Variants in BRIP1 observed in about 807,000 individuals in gnomAD.
The protein encoded by BRIP1 is Fanconi anemia group J protein.
Under a neutral mutation model 119.7 loss-of-function variants are expected in BRIP1, and 88 were observed. The ratio of observed to expected loss-of-function variants is 0.74; its 90% confidence interval spans 0.62 to 0.88. The LOEUF (loss-of-function observed/expected upper bound fraction) is 0.88. Among genes scored for constraint, BRIP1 ranks in the 40% least tolerant of loss-of-function variants. The pLI is 0.00. For missense variants in BRIP1, 1,259 were observed against 1,455.4 expected (o/e 0.87, Z 2.20); for synonymous variants, 443 against 496.5 (o/e 0.89, Z 1.43).
At chr17:61,741,448 C>T (rs1308091900) in intron 16 of BRIP1, among the ~76,000 whole-genome samples, 1 of 152,138 alleles carries the variant, frequency 6.6e-6, no homozygotes, top group Non-Finnish European at 1.5e-5. Context: ...GGTTTTTAAT[C>T]GACTGTGTCC....
At position 61,843,237 on chromosome 17, in the gene BRIP1, C is replaced by A. The variant is rs2078682728; in HGVS notation, c.627+3864G>T. Among the ~76,000 whole-genome samples the A allele has an allele frequency of 6.6e-6, 1 of 152,070 alleles. No individual in the cohort carries two copies. The highest frequency in any genetic ancestry group is 6.5e-5 in the Admixed American group (1 of 15,270). On this transcript the variant is annotated intron_variant, in intron 6 of 19. Transcript: ENST00000259008. This position sits in a 1 kb window ranked among gnomAD's most constrained non-coding sequence, Gnocchi z 5.7. ...GTGGGGGATTTGAGGAGATGTTGAT[C>A]AAAGAGTAAAAAGTTGAATCTACAT...
In BRIP1 at chr17:61,844,106, C is replaced by A. The variant is rs1242294481; in HGVS notation, c.627+2995G>T. 6.6e-6 allele frequency among the ~76,000 whole-genome samples: 1 copy of A among 151,568 alleles called. No individual in the cohort carries two copies. Among genetic ancestry groups the A allele is most frequent in the Non-Finnish European group, 1.5e-5 (1 of 67,858 alleles). On this transcript the variant is annotated intron_variant, in intron 6 of 19. Transcript: ENST00000259008. This position sits in a 1 kb window ranked among gnomAD's most constrained non-coding sequence, Gnocchi z 4.7. ...ACACAGCTATTTTTTTTCTTCTATTCTTTATAAAGACAGGGTCTCGTTATG... is the reference window on the plus strand; with the variant it reads ...ACACAGCTATTTTTTTTCTTCTATTATTTATAAAGACAGGGTCTCGTTATG...
At chr17:61,812,733 G>C (rs2078181430) in intron 6 of BRIP1, among the ~76,000 whole-genome samples, 1 of 151,896 alleles carries the variant, frequency 6.6e-6, no homozygotes, top group Non-Finnish European at 1.5e-5. Flanking sequence ...AGCAACCAAG[G>C]ATTTTCAGAA....
chr17:61,846,289 A>G lies in BRIP1; in HGVS notation c.627+812T>C, dbSNP rs2078731178. 6.6e-6 allele frequency among the ~76,000 whole-genome samples: 1 copy of G among 152,088 alleles called. No individual in the cohort carries two copies. The highest frequency in any genetic ancestry group is 2.4e-5 in the African/African-American group (1 of 41,430). On this transcript the variant is annotated intron_variant, in intron 6 of 19. Transcript: ENST00000259008. The surrounding 1 kb of genome is among the most constrained non-coding windows in gnomAD (Gnocchi z 4.3). ...GAGAGAGAGAGAGAGGTTGGAGCCA[A>G]TACCTTGATTTCTGCTAAGGCACCA...
rs115498234 is a variant in BRIP1, at chr17:61,749,200, A to G, written c.2098-4609T>C. Among the ~76,000 whole-genome samples, 808 of 152,148 alleles carry G rather than the reference A, an allele frequency of 5.3e-3. 7 individuals are homozygous for G. Among genetic ancestry groups the G allele is most frequent in the African/African-American group, 0.018 (732 of 41,506 alleles). On this transcript the variant is annotated intron_variant, in intron 14 of 19. Coordinates refer to ENST00000259008, the MANE Select transcript of BRIP1 (RefSeq NM_032043.3). The stretch of plus-strand genomic sequence containing the variant: ...AAACACAGGAGAAAATTTTTGTAAC[A>G]TTGGATTTAACAATGATTTTATGCA...
At position 61,691,452 on chromosome 17, in the gene BRIP1, C is replaced by T. The variant is rs2061445659; in HGVS notation, c.2575+1978G>A. Among the ~76,000 whole-genome samples the T allele has an allele frequency of 6.6e-6, 1 of 152,062 alleles. No homozygotes were observed. The highest frequency in any genetic ancestry group is 1.5e-5 in the Non-Finnish European group (1 of 67,996). On this transcript the variant is annotated intron_variant, in intron 18 of 19. Transcript: ENST00000259008. The surrounding 1 kb of genome is among the most constrained non-coding windows in gnomAD (Gnocchi z 5.0). ...ACCTAATATTGTCAGAATGTCCATA[C>T]TACTGAAAGCAATCTTTTTTTGAGA...
rs1054557464 is a variant in BRIP1, at chr17:61,856,150, A to G, written c.379+908T>C. On this transcript the variant is annotated intron_variant, in intron 4 of 19. Coordinates refer to ENST00000259008, the MANE Select transcript of BRIP1 (RefSeq NM_032043.3). The surrounding 1 kb of genome is among the most constrained non-coding windows in gnomAD (Gnocchi z 5.1). The stretch of plus-strand genomic sequence containing the variant: ...GGCCAAAATCAAAACAATGTAGACA[A>G]CACTATTGGTCACCTATTTAATAAC... Among the ~76,000 whole-genome samples the G allele has an allele frequency of 2.0e-5, 3 of 152,214 alleles. No homozygotes were observed. The highest frequency in any genetic ancestry group is 4.4e-5 in the Non-Finnish European group (3 of 68,034).
At chr17:61,849,307 A>AT in intron 4 of BRIP1, 51 bp from the exon 5 acceptor site, 1 of 1,519,628 alleles carries the variant, frequency 6.6e-7, no homozygotes, top group Middle Eastern at 2.2e-4. Flanking sequence ...CAGGTAGGCA[A>AT]TTTTTCTAGA....
rs2061579443 is a variant in BRIP1 at position 61,699,505 on chromosome 17, A to T, written c.2493-5993T>A. On this transcript the variant is annotated intron_variant, in intron 17 of 19. Coordinates refer to ENST00000259008, the MANE Select transcript of BRIP1 (RefSeq NM_032043.3). The surrounding 1 kb of genome is among the most constrained non-coding windows in gnomAD (Gnocchi z 4.8). ...CATATCAACCAGTAATAAACTAGTC[A>T]GGAAAATTGCCAACTTAATTTCAAT... Among the ~76,000 whole-genome samples, 1 of 152,234 alleles carries T rather than the reference A, an allele frequency of 6.6e-6. No individual in the cohort carries two copies.
At position 61,778,328 on chromosome 17, in the gene BRIP1, A is replaced by G. The variant is rs2378903; in HGVS notation, c.1936-1766T>C. On this transcript the variant is annotated intron_variant, in intron 13 of 19. Transcript: ENST00000259008. This position sits in a 1 kb window ranked among gnomAD's most constrained non-coding sequence, Gnocchi z 4.4. Reference sequence around the variant, plus strand: ...GCAGAATGGTAGTTACCAGGAGCTGAGGAGAGGGGGAGAATAGAGAGCTGT... The same window carrying G: ...GCAGAATGGTAGTTACCAGGAGCTGGGGAGAGGGGGAGAATAGAGAGCTGT... Among the ~76,000 whole-genome samples, 150,538 of 152,252 alleles carry G rather than the reference A, an allele frequency of 0.99. 74,443 individuals are homozygous for G. The highest frequency in any genetic ancestry group is 1 in the East Asian group (5,174 of 5,174).
At position 61,744,446 on chromosome 17, in the gene BRIP1, T is replaced by C. The variant is rs2144695357; in HGVS notation, c.2243A>G (p.Tyr748Cys). 1 of 1,613,928 alleles carries C rather than the reference T, an allele frequency of 6.2e-7. No individual in the cohort carries two copies. The highest frequency in any genetic ancestry group is 8.5e-7 in the Non-Finnish European group (1 of 1,179,896). The part of the protein sequence containing the change: ...LLQVYYDAIK[Y>C]KGEKDGALLV... Reference sequence around the variant, plus strand: ...TTTCCAGTTACCTTTCTCTCCTTTGTATTTGATTGCGTCATAGTACACCTG... The same window carrying C: ...TTTCCAGTTACCTTTCTCTCCTTTGCATTTGATTGCGTCATAGTACACCTG... Residue 748 changes from tyrosine (Y) to cysteine (C), a missense_variant, in exon 15 of 20, where the codon TAC (tyrosine) becomes TGC (cysteine). By Grantham distance (194) the Tyr-to-Cys change is radical. Coordinates refer to ENST00000259008, the MANE Select transcript of BRIP1 (RefSeq NM_032043.3). This position sits in a 1 kb window ranked among gnomAD's most constrained non-coding sequence, Gnocchi z 5.0.
In BRIP1 at chr17:61,860,269, G is replaced by C. The variant is rs2078956254; in HGVS notation, c.94-362C>G. On this transcript the variant is annotated intron_variant, in intron 2 of 19. Transcript: ENST00000259008. The surrounding 1 kb of genome is among the most constrained non-coding windows in gnomAD (Gnocchi z 4.1). ...TACAAATTGTTACAACTACTTGGTA[G>C]AGAAATAAACAATTTCTTATAAAGT... Among the ~76,000 whole-genome samples the C allele has an allele frequency of 6.6e-6, 1 of 152,226 alleles. No homozygotes were observed. Among genetic ancestry groups the C allele is most frequent in the Non-Finnish European group, 1.5e-5 (1 of 68,046 alleles).
chr17:61,779,304 T>A (rs1272666603), intron 13 of BRIP1, among the ~76,000 whole-genome samples: 1 of 152,210 alleles, frequency 6.6e-6, no homozygotes, highest in Non-Finnish European at 1.5e-5. Context: ...AAGCTGGGCA[T>A]GGTAGTACAT....
chr17:61,744,624 T>A lies in BRIP1; in HGVS notation c.2098-33A>T. On this transcript the variant is annotated intron_variant, in intron 14 of 19. Coordinates refer to ENST00000259008, the MANE Select transcript of BRIP1 (RefSeq NM_032043.3). The surrounding 1 kb of genome is among the most constrained non-coding windows in gnomAD (Gnocchi z 5.0). ...GGGGAAAGAAAAAAATGATTTTTTG[T>A]GTGTCTAGCTAAACAAACTTAACTT... is the stretch of plus-strand genomic sequence containing the variant. The A allele has an allele frequency of 6.3e-7, 1 of 1,588,066 alleles. No individual in the cohort carries two copies. The highest frequency in any genetic ancestry group is 2.2e-5 in the East Asian group (1 of 44,650).
Position 61,754,869 on chromosome 17 carries a change from G to C in BRIP1, c.2098-10278C>G, listed in dbSNP as rs1323678128. The stretch of plus-strand genomic sequence containing the variant: ...AACACTAATCCTATCAGATAAGGAA[G>C]GCCCTTACAGCCTCATTTAACCGCA... On this transcript the variant is annotated intron_variant, in intron 14 of 19. Transcript: ENST00000259008. The surrounding 1 kb of genome is among the most constrained non-coding windows in gnomAD (Gnocchi z 4.1). Among the ~76,000 whole-genome samples the C allele has an allele frequency of 6.6e-6, 1 of 152,080 alleles. No individual in the cohort carries two copies. Among genetic ancestry groups the C allele is most frequent in the Non-Finnish European group, 1.5e-5 (1 of 68,020 alleles).
In BRIP1 at chr17:61,862,880, T is replaced by C. The variant is rs920349321; in HGVS notation, c.-31+404A>G. Among the ~76,000 whole-genome samples the C allele has an allele frequency of 2.6e-5, 4 of 152,158 alleles. No individual in the cohort carries two copies. Among genetic ancestry groups the C allele is most frequent in the African/African-American group, 9.7e-5 (4 of 41,424 alleles). On this transcript the variant is annotated intron_variant, in intron 1 of 19. Transcript: ENST00000259008. The surrounding 1 kb of genome is among the most constrained non-coding windows in gnomAD (Gnocchi z 5.3). ...AGCTCTAACATTTTGCGATTCTATC[T>C]GTAAAGCTCTGAGAATGAGGTATGG...
rs993415501 is a variant in BRIP1, at chr17:61,824,882, C to T, written c.628-16125G>A. Among the ~76,000 whole-genome samples, 4 of 152,206 alleles carry T rather than the reference C, an allele frequency of 2.6e-5. No homozygotes were observed. The highest frequency in any genetic ancestry group is 9.7e-5 in the African/African-American group (4 of 41,450). ...ATTAATATCTGGAATACATAAAGAACTTCCACCAACTCAACAACGACAAAA... is the reference window on the plus strand; with the variant it reads ...ATTAATATCTGGAATACATAAAGAATTTCCACCAACTCAACAACGACAAAA... On this transcript the variant is annotated intron_variant, in intron 6 of 19. Coordinates refer to ENST00000259008, the MANE Select transcript of BRIP1 (RefSeq NM_032043.3). This position sits in a 1 kb window ranked among gnomAD's most constrained non-coding sequence, Gnocchi z 4.3.
At chr17:61,711,801 G>A (rs2061779310) in intron 17 of BRIP1, among the ~76,000 whole-genome samples, 2 of 152,040 alleles carry the variant, frequency 1.3e-5, no homozygotes, top group African/African-American at 4.8e-5. Flanking sequence ...CTGGGAGGTA[G>A]AGGTTGCAGT....
chr17:61,831,034 C>T lies in BRIP1; in HGVS notation c.627+16067G>A, dbSNP rs2145618221. 6.6e-6 allele frequency among the ~76,000 whole-genome samples: 1 copy of T among 152,186 alleles called. No individual in the cohort carries two copies. Among genetic ancestry groups the T allele is most frequent in the East Asian group, 1.9e-4 (1 of 5,186 alleles). ...TAGGAGAAAAAACATATAATCCTAC[C>T]AAGGAATGCAGTAAAACTTTAAATA... On this transcript the variant is annotated intron_variant, in intron 6 of 19. Transcript: ENST00000259008. The surrounding 1 kb of genome is among the most constrained non-coding windows in gnomAD (Gnocchi z 4.1).
Sources: allele counts gnomAD v4.1 joint callset (sites outside exome capture counted in the v4.1 genomes callset), GRCh38; gene constraint gnomAD v4.1.1; non-coding constraint Gnocchi (gnomAD v3.1); transcripts MANE v1.5; gene names NCBI Gene and HGNC (gene_info 2026-07-23, HGNC 2026-07-21).